FGD4: variants seen among roughly 807,000 people sequenced by gnomAD.
The protein encoded by FGD4 is FYVE, RhoGEF and PH domain containing 4.
A neutral mutation model predicts 102.0 loss-of-function variants in FGD4; 42 were observed. That is an observed-to-expected ratio of 0.41 (90% CI 0.32 to 0.53). FGD4 has a LOEUF of 0.53. Among genes scored for constraint, FGD4 ranks in the 20% least tolerant of loss-of-function variants. The pLI, the probability that FGD4 is intolerant of heterozygous loss-of-function variation, is 0.21. For synonymous variants in FGD4, 380 were observed against 375.7 expected (o/e 1.01, Z -0.13); for missense variants, 902 against 1,078.2 (o/e 0.84, Z 2.29).
intron 1 of FGD4, among the ~76,000 whole-genome samples, chr12:32,477,161 G>A (rs1943603702): frequency 6.6e-6 from 1 of 152,040 alleles, no homozygotes; most frequent in African/African-American, 2.4e-5. Flanking sequence ...GGTGGTGGGT[G>A]CCTGTAATCC....
At chr12:32,526,866 T>C (rs1015282349) in intron 1 of FGD4, among the ~76,000 whole-genome samples, 15 of 152,212 alleles carry the variant, frequency 9.9e-5, no homozygotes, top group African/African-American at 3.1e-4. Context: ...GGCTTCATTC[T>C]TGAAGTCAGT....
chr12:32,523,607 C>T (rs1940777888), intron 1 of FGD4, among the ~76,000 whole-genome samples: 1 of 152,184 alleles, frequency 6.6e-6, no homozygotes, highest in African/African-American at 2.4e-5. Flanking sequence ...GGGACTGACA[C>T]GGAGGGATGG....
intron 1 of FGD4, among the ~76,000 whole-genome samples, chr12:32,478,813 T>C (rs1363349414): frequency 6.6e-6 from 1 of 152,170 alleles, no homozygotes; most frequent in Non-Finnish European, 1.5e-5. Context: ...ATCTTATGGG[T>C]AGTGTGGTTG....
Position 32,624,411 on chromosome 12 carries a change from T to G in FGD4, c.1923-11T>G, listed in dbSNP as rs751626225. The G allele has an allele frequency of 6.3e-7, 1 of 1,585,018 alleles. No individual in the cohort carries two copies. Reference sequence around the variant, plus strand: ...ATTATTTACATTCACTTTAATTTTGTTTTATTTTAGTTCTGCGCAAGACAA... The same window carrying G: ...ATTATTTACATTCACTTTAATTTTGGTTTATTTTAGTTCTGCGCAAGACAA... On this transcript the variant is annotated splice_polypyrimidine_tract_variant and intron_variant, in intron 11 of 16. Coordinates refer to ENST00000534526, the MANE Select transcript of FGD4 (RefSeq NM_001370298.3).
chr12:32,598,418 A>G, intron 4 of FGD4, 79 bp from the exon 5 acceptor site: 1 of 999,034 alleles, frequency 1.0e-6, no homozygotes, highest in Non-Finnish European at 1.5e-6. Flanking sequence ...TGATCAAATC[A>G]TTTGAAGAAG....
At position 32,582,484 on chromosome 12, in the gene FGD4, G is replaced by A; in HGVS notation, c.1011+17G>A. On this transcript the variant is annotated intron_variant, in intron 4 of 16. Transcript: ENST00000534526. Reference sequence around the variant, plus strand: ...GAGATGAAGGTAGAGCATGAGACTAGCTCATGAGCAGGGAAAACCCTGCCT... The same window carrying A: ...GAGATGAAGGTAGAGCATGAGACTAACTCATGAGCAGGGAAAACCCTGCCT... 1 of 1,606,314 alleles carries A rather than the reference G, an allele frequency of 6.2e-7. No homozygotes were observed.
chr12:32,642,911 A>G lies in FGD4; in HGVS notation c.*2378A>G, dbSNP rs1355311198. ...AGACCTCAAAGTGTGATTGATGATAAGAATAATCAATGCCTTTTCCCTTCC... is the reference window on the plus strand; with the variant it reads ...AGACCTCAAAGTGTGATTGATGATAGGAATAATCAATGCCTTTTCCCTTCC... On this transcript the variant is annotated 3_prime_UTR_variant, in exon 17 of 17. Coordinates refer to ENST00000534526, the MANE Select transcript of FGD4 (RefSeq NM_001370298.3). The G allele has an allele frequency of 2.0e-5, 3 of 152,536 alleles. No individual in the cohort carries two copies. The highest frequency in any genetic ancestry group is 7.2e-5 in the African/African-American group (3 of 41,462). The allele number at this position is 152,536 out of a possible 1,614,324, so 9.4% of individuals were successfully genotyped here.
chr12:32,410,306 C>T (rs898238360), intron 1 of FGD4, among the ~76,000 whole-genome samples: 1 of 150,492 alleles, frequency 6.6e-6, no homozygotes, highest in East Asian at 2.0e-4. Flanking sequence ...CCAGCCTGGG[C>T]GACACAGCGA....
intron 16 of FGD4, 28 bp from the exon 17 acceptor site, chr12:32,640,248 C>T (rs1951089898): frequency 6.2e-7 from 1 of 1,614,030 alleles, no homozygotes; most frequent in Non-Finnish European, 8.5e-7. Context: ...ACATCACCTG[C>T]TTTTAATGTC....
chr12:32,594,426 A>C (rs2389103), intron 4 of FGD4, among the ~76,000 whole-genome samples: 57,621 of 152,070 alleles, frequency 0.38, 11,727 homozygotes, highest in African/African-American at 0.52. Flanking sequence ...GGAAAACAAG[A>C]TCAGGTCTCC....
In FGD4 at chr12:32,582,117, G is replaced by C; in HGVS notation, c.661G>C (p.Gly221Arg). ...GGGAAATGATACAGATAAGACTCAG[G>C]GTGCACAGACTTGTGTGGCCAACGG... is the stretch of plus-strand genomic sequence containing the variant. Reference protein sequence around the residue: ...RQGNDTDKTQGAQTCVANGVM... With the variant: ...RQGNDTDKTQRAQTCVANGVM... Residue 221 changes from glycine (G) to arginine (R), a missense_variant, in exon 4 of 17, where the codon GGT becomes CGT. Transcript: ENST00000534526. 1 of 1,614,168 alleles carries C rather than the reference G, an allele frequency of 6.2e-7. No homozygotes were observed. The highest frequency in any genetic ancestry group is 1.1e-5 in the South Asian group (1 of 91,088).
At chr12:32,429,825 A>G (rs372975799) in intron 1 of FGD4, among the ~76,000 whole-genome samples, 12 of 152,350 alleles carry the variant, frequency 7.9e-5, no homozygotes, top group African/African-American at 2.6e-4. Context: ...GAGGACAACC[A>G]GAGGTCTCTT....
chr12:32,433,433 C>T (rs1942119742), intron 1 of FGD4, among the ~76,000 whole-genome samples: 1 of 152,140 alleles, frequency 6.6e-6, no homozygotes, highest in African/African-American at 2.4e-5. Flanking sequence ...ACTGCAACCT[C>T]TGCCTCCCAG....
At chr12:32,523,888 G>C (rs879664081) in intron 1 of FGD4, among the ~76,000 whole-genome samples, 13 of 152,134 alleles carry the variant, frequency 8.5e-5, no homozygotes, top group Admixed American at 3.9e-4. Flanking sequence ...TGAGGCAGGA[G>C]AATGGCGTGA....
rs576366265 is a variant in FGD4, at chr12:32,590,491, A to C, written c.1012-8006A>C. 7.2e-5 allele frequency among the ~76,000 whole-genome samples: 11 copies of C among 151,968 alleles called. No individual in the cohort carries two copies. The South Asian group carries it at 2.3e-3, about 32-fold the overall frequency. On this transcript the variant is annotated intron_variant, in intron 4 of 16. Transcript: ENST00000534526. ...TGACATGATCTTATTTGACCATGAAACCTGTGTTTTATTCCTCTACCTCCT... is the reference window on the plus strand; with the variant it reads ...TGACATGATCTTATTTGACCATGAACCCTGTGTTTTATTCCTCTACCTCCT...
intron 1 of FGD4, among the ~76,000 whole-genome samples, chr12:32,472,766 G>C (rs895803296): frequency 6.6e-6 from 1 of 152,134 alleles, no homozygotes; most frequent in Non-Finnish European, 1.5e-5. Context: ...GAGTCTGGTG[G>C]GGACGTGGAG....
chr12:32,487,424 G>GTTATTA (rs3077001), intron 1 of FGD4, among the ~76,000 whole-genome samples: 2 of 151,628 alleles, frequency 1.3e-5, no homozygotes, highest in Non-Finnish European at 2.9e-5. Flanking sequence ...GTTATTATTT[G>GTTATTA]TTATTATTAT....
At chr12:32,568,023 A>G (rs1044936106) in intron 2 of FGD4, among the ~76,000 whole-genome samples, 2 of 152,162 alleles carry the variant, frequency 1.3e-5, no homozygotes, top group Non-Finnish European at 2.9e-5. Flanking sequence ...AGTATTGCAC[A>G]TCTTTATTAG....
In FGD4 at chr12:32,457,300, A is replaced by G. The variant is rs540026463; in HGVS notation, c.166+57341A>G. Among the ~76,000 whole-genome samples the G allele has an allele frequency of 2.6e-5, 4 of 152,270 alleles. No homozygotes were observed. The South Asian group carries it at 6.2e-4, about 24-fold the overall frequency. On this transcript the variant is annotated intron_variant, in intron 1 of 16. Transcript: ENST00000534526. Reference sequence around the variant, plus strand: ...TATGTGAGACATTTTATAGTTTAGCATAAGTGTGCCTTGGCTTGTTTTTGT... The same window carrying G: ...TATGTGAGACATTTTATAGTTTAGCGTAAGTGTGCCTTGGCTTGTTTTTGT...
Sources: gnomAD v4.1 joint callset for allele counts (sites outside exome capture counted in the v4.1 genomes callset) on GRCh38, gnomAD v4.1.1 for gene constraint, MANE v1.5 for transcripts, NCBI Gene and HGNC (gene_info 2026-07-23, HGNC 2026-07-21) for gene names.